The following CRIM1 variants were observed in gnomAD, a reference collection of about 807,000 sequenced individuals.
CRIM1 encodes the protein cysteine-rich motor neuron 1 protein.
A neutral mutation model predicts 116.4 loss-of-function variants in CRIM1; 32 were observed. That is an observed-to-expected ratio of 0.27 (90% confidence interval 0.21 to 0.37). The LOEUF is 0.37. Ranked by LOEUF, CRIM1 falls within the 10% of genes least tolerant of loss-of-function variation. The probability of loss-of-function intolerance (pLI) is 1.00; values close to 1 mark genes in which losing one functional copy is unlikely to be tolerated. For synonymous variants in CRIM1, 590 were observed against 509.2 expected, an observed-to-expected ratio of 1.16 and a Z score of -2.13; for missense variants, 1,331 against 1,354.8, an observed-to-expected ratio of 0.98 and a Z score of 0.28.
intron 6 of CRIM1, among the ~76,000 whole-genome samples, chr2:36,478,604 C>T (rs6720433): frequency 0.63 from 96,064 of 152,104 alleles, 30,812 homozygotes; most frequent in African/African-American, 0.75. Flanking sequence ...ATTTTAAATG[C>T]TGACCTTCTA....
intron 2 of CRIM1, among the ~76,000 whole-genome samples, chr2:36,432,787 C>G (rs1187316885): frequency 7.2e-6 from 1 of 139,454 alleles, no homozygotes; most frequent in Non-Finnish European, 1.6e-5. Flanking sequence ...AGCTGGGGAA[C>G]TGTAAAAAAA....
intron 4 of CRIM1, among the ~76,000 whole-genome samples, chr2:36,459,728 C>T (rs936219010): frequency 6.6e-6 from 1 of 152,024 alleles, no homozygotes; most frequent in African/African-American, 2.4e-5. Context: ...GCTGGGTGGA[C>T]ATGAGCTGTG....
At position 36,550,404 on chromosome 2, in the gene CRIM1, T is replaced by C. The variant is rs1199113268; in HGVS notation, c.*1703T>C. 1.3e-5 allele frequency: 2 copies of C among 152,460 alleles called. No individual in the cohort carries two copies. Among genetic ancestry groups the C allele is most frequent in the Non-Finnish European group, 2.9e-5 (2 of 68,030 alleles). 9.4% of individuals were successfully genotyped at this position (152,460 alleles called of 1,614,324 possible). A position where few individuals can be genotyped will look rare whatever the true frequency, so the allele number is the denominator to read the frequency against. ...TATACTAATTAACCCATTTGTGCAT[T>C]GAGTTTTCTTTTAAAAATGCTTGTT... is the stretch of plus-strand genomic sequence containing the variant. On this transcript the variant is annotated 3_prime_UTR_variant, in exon 17 of 17. Transcript: ENST00000280527.
At chr2:36,432,399 A>G (rs1329750949) in intron 2 of CRIM1, among the ~76,000 whole-genome samples, 4 of 152,026 alleles carry the variant, frequency 2.6e-5, no homozygotes, top group South Asian at 2.1e-4. Context: ...TTGAATGGCA[A>G]TTTTTTCTGG....
chr2:36,455,397 G>C (rs1677058622), intron 4 of CRIM1, among the ~76,000 whole-genome samples: 1 of 152,208 alleles, frequency 6.6e-6, no homozygotes, highest in Non-Finnish European at 1.5e-5. Context: ...GCAGTCATAT[G>C]ATATGTGGGT....
chr2:36,451,431 C>G (rs1442017652), intron 4 of CRIM1, among the ~76,000 whole-genome samples: 2 of 152,132 alleles, frequency 1.3e-5, no homozygotes, highest in Admixed American at 1.3e-4. Context: ...ACTGAGAAAT[C>G]AAGGACCTCA....
intron 4 of CRIM1, among the ~76,000 whole-genome samples, chr2:36,460,332 G>T (rs1368795025): frequency 6.6e-6 from 1 of 152,156 alleles, no homozygotes; most frequent in Non-Finnish European, 1.5e-5. Flanking sequence ...TCCAGAATTG[G>T]CAAGTCCATA....
At chr2:36,487,744 AGT>A (rs1477283695) in intron 7 of CRIM1, among the ~76,000 whole-genome samples, 1 of 152,170 alleles carries the variant, frequency 6.6e-6, no homozygotes, top group Admixed American at 6.6e-5. Flanking sequence ...AGCCTCTAAA[AGT>A]GAGTACTTTT....
At chr2:36,365,032 G>T (rs1385400832) in intron 1 of CRIM1, among the ~76,000 whole-genome samples, 1 of 152,088 alleles carries the variant, frequency 6.6e-6, no homozygotes, top group South Asian at 2.1e-4. Context: ...TCTTCAAAGG[G>T]GTGGGAGTTT....
chr2:36,526,646 A>G (rs1448136376), intron 13 of CRIM1, among the ~76,000 whole-genome samples: 1 of 152,024 alleles, frequency 6.6e-6, no homozygotes, highest in Non-Finnish European at 1.5e-5. Context: ...ACCTTGCTCT[A>G]ATGTTCGTGT....
chr2:36,406,752 C>G (rs1672838422), intron 2 of CRIM1, among the ~76,000 whole-genome samples: 1 of 151,926 alleles, frequency 6.6e-6, no homozygotes, highest in Non-Finnish European at 1.5e-5. Flanking sequence ...TGTACAGATT[C>G]CTAAATTTTA....
intron 7 of CRIM1, among the ~76,000 whole-genome samples, chr2:36,495,303 A>C (rs186952591): frequency 5.3e-5 from 8 of 152,178 alleles, no homozygotes; most frequent in African/African-American, 1.7e-4. Context: ...TCAGACCAAA[A>C]TCCGACAGGC....
At chr2:36,393,810 C>T (rs12466450) in intron 1 of CRIM1, among the ~76,000 whole-genome samples, 26,756 of 152,120 alleles carry the variant, frequency 0.18, 2,443 homozygotes, top group Admixed American at 0.25. Flanking sequence ...GTAAGAGCCT[C>T]AAGTGTGCCT....
intron 2 of CRIM1, among the ~76,000 whole-genome samples, chr2:36,398,255 G>T (rs1672174070): frequency 6.6e-6 from 1 of 152,064 alleles, no homozygotes; most frequent in Non-Finnish European, 1.5e-5. Flanking sequence ...CGTCACCATT[G>T]CTGTCATTGT....
chr2:36,389,540 ATT>A (rs1671420885), intron 1 of CRIM1, among the ~76,000 whole-genome samples: 1 of 152,090 alleles, frequency 6.6e-6, no homozygotes, highest in Non-Finnish European at 1.5e-5. Flanking sequence ...TGTACTGTGA[ATT>A]TGTTTCTTGC....
chr2:36,365,231 A>C (rs1669511576), intron 1 of CRIM1, among the ~76,000 whole-genome samples: 1 of 152,214 alleles, frequency 6.6e-6, no homozygotes, highest in Non-Finnish European at 1.5e-5. Context: ...TTGTGGTTTG[A>C]GCCCCTACAT....
At chr2:36,541,451 GA>G (rs1666937147) in intron 14 of CRIM1, among the ~76,000 whole-genome samples, 1 of 152,164 alleles carries the variant, frequency 6.6e-6, no homozygotes. Flanking sequence ...TGAGGCTCAG[GA>G]AAGGTAAGAG....
At chr2:36,535,133 GAA>G (rs373014673) in intron 13 of CRIM1, among the ~76,000 whole-genome samples, 9,548 of 122,732 alleles carry the variant, frequency 0.078, 838 homozygotes, top group East Asian at 0.26. Flanking sequence ...GGGAGGGAGG[GAA>G]GGGGAAGGAA....
chr2:36,358,362 G>T (rs915134641), intron 1 of CRIM1, among the ~76,000 whole-genome samples: 1 of 152,202 alleles, frequency 6.6e-6, no homozygotes, highest in Non-Finnish European at 1.5e-5. Context: ...AATCTGAAAA[G>T]AACAGGCGAC....
Sources: allele counts gnomAD v4.1 joint callset (sites outside exome capture counted in the v4.1 genomes callset), GRCh38; gene constraint gnomAD v4.1.1; transcripts MANE v1.5; gene names NCBI Gene and HGNC (gene_info 2026-07-23, HGNC 2026-07-21).